Variants in DIAPH3 observed in about 807,000 individuals in gnomAD.
The protein encoded by DIAPH3 is diaphanous related formin 3.
DIAPH3 carries 117 observed loss-of-function variants against 144.3 expected under a neutral mutation model. That is an observed-to-expected ratio of 0.81 (90% confidence interval 0.70 to 0.95). The LOEUF is 0.95. Among genes scored for constraint, DIAPH3 ranks in the 40% least tolerant of loss-of-function variants. The pLI is 0.00. For synonymous variants in DIAPH3, 519 were observed against 488.9 expected, an observed-to-expected ratio of 1.06 and a Z score of -0.81; for missense variants, 1,421 against 1,412.7, an observed-to-expected ratio of 1.01 and a Z score of -0.09.
intron 27 of DIAPH3, among the ~76,000 whole-genome samples, chr13:59,742,337 T>C (rs1263083760): frequency 6.6e-6 from 1 of 152,102 alleles, no homozygotes; most frequent in Non-Finnish European, 1.5e-5. Context: ...ACAGGAAAAT[T>C]TGCATATTTT....
At position 60,163,834 on chromosome 13, in the gene DIAPH3, G is replaced by A. The variant is rs1201242418; in HGVS notation, c.-68C>T. 8.5e-6 allele frequency: 13 copies of A among 1,526,538 alleles called. No individual in the cohort carries two copies. The highest frequency in any genetic ancestry group is 1.1e-5 in the Non-Finnish European group (13 of 1,139,782). The allele number at this position is 1,526,538 out of a possible 1,614,324, so 94.6% of individuals were successfully genotyped here. ...AGCAAGCCGCAAGCTGGAAGCTGAG[G>A]GATCGACAACAGGTTTTACTCCCGG... On this transcript the variant is annotated 5_prime_UTR_variant, in exon 1 of 28. Coordinates refer to ENST00000400324, the MANE Select transcript of DIAPH3 (RefSeq NM_001042517.2).
chr13:59,864,010 A>C (rs776981578), intron 21 of DIAPH3, among the ~76,000 whole-genome samples: 4 of 152,186 alleles, frequency 2.6e-5, no homozygotes, highest in Non-Finnish European at 5.9e-5. Flanking sequence ...TATACATTAT[A>C]GTGGAACTAA....
chr13:59,754,018 C>T (rs1394017046), intron 27 of DIAPH3, among the ~76,000 whole-genome samples: 1 of 152,148 alleles, frequency 6.6e-6, no homozygotes, highest in Non-Finnish European at 1.5e-5. Flanking sequence ...CACTTTTTAG[C>T]TATTCAACCA....
intron 21 of DIAPH3, among the ~76,000 whole-genome samples, chr13:59,873,468 T>A (rs139738126): frequency 6.6e-6 from 1 of 152,238 alleles, no homozygotes; most frequent in East Asian, 1.9e-4. Context: ...GGCAAAGGTA[T>A]CCTGTCTCAT....
chr13:59,886,749 T>A (rs1255109460), intron 20 of DIAPH3, among the ~76,000 whole-genome samples: 1 of 152,074 alleles, frequency 6.6e-6, no homozygotes, highest in Non-Finnish European at 1.5e-5. Context: ...TAATTACATT[T>A]AAATTTTTGC....
At chr13:59,870,996 T>C (rs368711064) in intron 21 of DIAPH3, among the ~76,000 whole-genome samples, 9 of 152,284 alleles carry the variant, frequency 5.9e-5, no homozygotes, top group Non-Finnish European at 1.2e-4. Flanking sequence ...ACAGATCTTA[T>C]ATGTATTTTG....
intron 9 of DIAPH3, among the ~76,000 whole-genome samples, chr13:60,003,790 C>T (rs2052681268): frequency 6.6e-6 from 1 of 151,906 alleles, no homozygotes; most frequent in African/African-American, 2.4e-5. Flanking sequence ...CCAGGTTAGC[C>T]AGGATGGTCT....
intron 27 of DIAPH3, among the ~76,000 whole-genome samples, chr13:59,730,661 G>A (rs899894214): frequency 9.2e-5 from 14 of 152,096 alleles, no homozygotes; most frequent in East Asian, 1.9e-4. Context: ...TGTGAGTTCT[G>A]GAACCTGACT....
chr13:60,163,171 T>A (rs1018852855), intron 1 of DIAPH3, among the ~76,000 whole-genome samples: 5 of 152,124 alleles, frequency 3.3e-5, no homozygotes, highest in Non-Finnish European at 5.9e-5. Context: ...ACTTGGAAAA[T>A]TATATCTACC....
chr13:60,105,234 T>C (rs536678898), intron 3 of DIAPH3, among the ~76,000 whole-genome samples: 2 of 152,258 alleles, frequency 1.3e-5, no homozygotes, highest in South Asian at 4.1e-4. Flanking sequence ...GTCATTTGAC[T>C]TAAGATACAA....
intron 27 of DIAPH3, among the ~76,000 whole-genome samples, chr13:59,728,653 T>G (rs2035723424): frequency 6.6e-6 from 1 of 152,116 alleles, no homozygotes; most frequent in Non-Finnish European, 1.5e-5. Context: ...TTGACTTATA[T>G]ATAAACATCA....
At chr13:59,737,217 A>G (rs1413418936) in intron 27 of DIAPH3, among the ~76,000 whole-genome samples, 2 of 152,232 alleles carry the variant, frequency 1.3e-5, no homozygotes, top group Non-Finnish European at 2.9e-5. Context: ...CAGACAACCT[A>G]CAAAATGGGA....
intron 27 of DIAPH3, among the ~76,000 whole-genome samples, chr13:59,701,675 T>C (rs938987901): frequency 6.6e-6 from 1 of 152,234 alleles, no homozygotes; most frequent in African/African-American, 2.4e-5. Flanking sequence ...TAGGGAAAAG[T>C]TTCTTAACTA....
intron 25 of DIAPH3, among the ~76,000 whole-genome samples, chr13:59,779,782 G>T (rs1254753233): frequency 2.6e-5 from 4 of 152,074 alleles, no homozygotes; most frequent in Non-Finnish European, 4.4e-5. Context: ...AAAGTGCTGG[G>T]ATTACAGGCA....
chr13:60,109,131 A>G (rs1369244236), intron 3 of DIAPH3, among the ~76,000 whole-genome samples: 1 of 152,184 alleles, frequency 6.6e-6, no homozygotes, highest in African/African-American at 2.4e-5. Flanking sequence ...GAAGTAAAAG[A>G]ACACATAGAA....
intron 27 of DIAPH3, among the ~76,000 whole-genome samples, chr13:59,747,660 C>G (rs1194719098): frequency 1.3e-5 from 2 of 152,292 alleles, no homozygotes; most frequent in Middle Eastern, 6.8e-3. Context: ...AGCACCCAGA[C>G]AAGATTTCCT....
intron 27 of DIAPH3, among the ~76,000 whole-genome samples, chr13:59,691,905 A>G (rs1367101970): frequency 1.3e-5 from 2 of 152,152 alleles, no homozygotes; most frequent in African/African-American, 4.8e-5. Context: ...GTTAAAAATA[A>G]TCCTGACTCT....
intron 22 of DIAPH3, among the ~76,000 whole-genome samples, chr13:59,859,564 GA>G (rs1256296597): frequency 1.3e-5 from 2 of 151,812 alleles, no homozygotes; most frequent in Non-Finnish European, 2.9e-5. Context: ...TTTTCCCCAG[GA>G]AAAAAACTCC....
At chr13:59,881,892 TG>T (rs778982711) in intron 20 of DIAPH3, among the ~76,000 whole-genome samples, 5 of 152,166 alleles carry the variant, frequency 3.3e-5, no homozygotes, top group African/African-American at 7.2e-5. Flanking sequence ...ATTGAGTAAA[TG>T]TGTTTTAATA....
Sources: gnomAD v4.1 joint callset for allele counts (sites outside exome capture counted in the v4.1 genomes callset) on GRCh38, gnomAD v4.1.1 for gene constraint, MANE v1.5 for transcripts, NCBI Gene and HGNC (gene_info 2026-07-23, HGNC 2026-07-21) for gene names.